The following RBFOX3 variants were observed in gnomAD, a reference collection of about 807,000 sequenced individuals.
RBFOX3 encodes the protein RNA binding fox-1 homolog 3.
In RBFOX3, 17 loss-of-function variants were observed where a neutral mutation model predicts 48.7. The ratio of observed to expected loss-of-function variants is 0.35; its 90% CI spans 0.24 to 0.52. RBFOX3 has a LOEUF of 0.52. Among genes scored for constraint, RBFOX3 ranks in the 20% least tolerant of loss-of-function variants. The pLI, the probability that RBFOX3 is intolerant of heterozygous loss-of-function variation, is 0.94. For synonymous variants in RBFOX3, 212 were observed against 209.5 expected (o/e 1.01, Z -0.10); for missense variants, 382 against 497.5 (o/e 0.77, Z 2.21).
At chr17:79,206,236 G>T (rs1004289795) in intron 4 of RBFOX3, among the ~76,000 whole-genome samples, 1 of 152,090 alleles carries the variant, frequency 6.6e-6, no homozygotes, top group Non-Finnish European at 1.5e-5. Flanking sequence ...ACAGAACTTG[G>T]TGGCCTCTTT....
At chr17:79,227,276 G>C (rs2060417503) in intron 4 of RBFOX3, among the ~76,000 whole-genome samples, 1 of 152,226 alleles carries the variant, frequency 6.6e-6, no homozygotes, top group Admixed American at 6.5e-5. Context: ...GCGAGCCAGA[G>C]AACATCCACA....
At chr17:79,518,554 A>T (rs2085587243) in intron 1 of RBFOX3, among the ~76,000 whole-genome samples, 1 of 152,224 alleles carries the variant, frequency 6.6e-6, no homozygotes, top group African/African-American at 2.4e-5. Flanking sequence ...TAATCCCTGA[A>T]GGCTGGGGGA....
intron 2 of RBFOX3, among the ~76,000 whole-genome samples, chr17:79,416,485 G>A (rs1014653494): frequency 1.3e-5 from 2 of 152,232 alleles, no homozygotes; most frequent in Non-Finnish European, 2.9e-5. Flanking sequence ...ACGCCCAATG[G>A]TTCCAGGATC....
the RBFOX3 span, among the ~76,000 whole-genome samples, chr17:79,634,124 A>T: frequency 6.6e-6 from 1 of 152,162 alleles, no homozygotes; most frequent in East Asian, 1.9e-4. Context: ...GGCAGCCTGG[A>T]GCCCTGGAGG....
At chr17:79,293,431 CCTT>C (rs2073762438) in intron 3 of RBFOX3, among the ~76,000 whole-genome samples, 3 of 53,256 alleles carry the variant, frequency 5.6e-5, no homozygotes, top group African/African-American at 2.5e-4. Flanking sequence ...TTCCTTCCTT[CCTT>C]CCTTCCTTCC....
intron 2 of RBFOX3, among the ~76,000 whole-genome samples, chr17:79,379,735 G>C (rs963854711): frequency 6.6e-6 from 1 of 152,166 alleles, no homozygotes; most frequent in Non-Finnish European, 1.5e-5. Flanking sequence ...CGCCCCCGAA[G>C]ATGGCTTCCC....
intron 1 of RBFOX3, among the ~76,000 whole-genome samples, chr17:79,547,429 T>G (rs1555792242): frequency 2.0e-5 from 3 of 152,150 alleles, no homozygotes; most frequent in African/African-American, 7.2e-5. Context: ...CACTCCAGCC[T>G]GGGTGACTGA....
chr17:79,509,636 C>T (rs1434800373), intron 1 of RBFOX3, among the ~76,000 whole-genome samples: 5 of 152,286 alleles, frequency 3.3e-5, no homozygotes, highest in South Asian at 2.1e-4. Flanking sequence ...GCAGGGTCGG[C>T]GCCTGGGAGA....
At chr17:79,095,365 C>T (rs2075000956) in intron 13 of RBFOX3, 148 bp downstream of exon 13, 1 of 645,308 alleles carries the variant, frequency 1.5e-6, no homozygotes. Context: ...AAGGGCCACA[C>T]TCAGACCTGC....
At chr17:79,417,315 T>G (rs2065536870) in intron 2 of RBFOX3, among the ~76,000 whole-genome samples, 1 of 152,162 alleles carries the variant, frequency 6.6e-6, no homozygotes, top group African/African-American at 2.4e-5. Context: ...GTGCCTCAGC[T>G]GAAGCTCTCA....
rs530924460 is a variant in RBFOX3 at position 79,471,053 on chromosome 17, AC to A, written c.-175+11400del. Among the ~76,000 whole-genome samples, 59 of 152,234 alleles carry A rather than the reference AC, an allele frequency of 3.9e-4. No homozygotes were observed. The South Asian group carries it at 0.012, about 32-fold the overall frequency. On this transcript the variant is annotated intron_variant, in intron 2 of 14. Transcript: ENST00000693108. This position sits in a 1 kb window ranked among gnomAD's most constrained non-coding sequence, Gnocchi z 4.0. ...CAGAACCAGCCCTTCCTTTCTATTC[AC>A]TGAAGGAGAAAAAACAGAATTAACT... is the stretch of plus-strand genomic sequence containing the variant.
chr17:79,171,267 C>T (rs968103957), intron 4 of RBFOX3, among the ~76,000 whole-genome samples: 3 of 152,248 alleles, frequency 2.0e-5, no homozygotes, highest in South Asian at 4.1e-4. Context: ...CATCTGCTTC[C>T]TTTTACTTTT....
At chr17:79,224,672 G>A (rs767872169) in intron 4 of RBFOX3, among the ~76,000 whole-genome samples, 21 of 152,178 alleles carry the variant, frequency 1.4e-4, no homozygotes, top group Non-Finnish European at 2.6e-4. Flanking sequence ...TGGAGTCATC[G>A]TCCCTCCAGC....
intron 1 of RBFOX3, among the ~76,000 whole-genome samples, chr17:79,508,099 C>T (rs2083442165): frequency 6.6e-6 from 1 of 152,232 alleles, no homozygotes; most frequent in Non-Finnish European, 1.5e-5. Context: ...ACATGGAAAA[C>T]ACCAGCAGAC....
chr17:79,620,486 TGCACACAC>T, the RBFOX3 span, among the ~76,000 whole-genome samples: 5 of 134,430 alleles, frequency 3.7e-5, no homozygotes, highest in African/African-American at 1.4e-4. Flanking sequence ...CACACGCACG[TGCACACAC>T]GCGCACACAC....
chr17:79,661,556 G>C, the RBFOX3 span, among the ~76,000 whole-genome samples: 1 of 152,142 alleles, frequency 6.6e-6, no homozygotes, highest in South Asian at 2.1e-4. Context: ...GTGCTGCTGT[G>C]GTCACACTCA....
chr17:79,389,158 G>A (rs1477774642), intron 2 of RBFOX3, among the ~76,000 whole-genome samples: 2 of 152,164 alleles, frequency 1.3e-5, no homozygotes, highest in South Asian at 2.1e-4. Flanking sequence ...TTGAAGTTTG[G>A]GGTCCCCTTC....
chr17:79,164,935 C>A (rs1178806098), intron 4 of RBFOX3, among the ~76,000 whole-genome samples: 1 of 152,228 alleles, frequency 6.6e-6, no homozygotes, highest in Non-Finnish European at 1.5e-5. Flanking sequence ...ACTCATCTTT[C>A]CACCCTTAGT....
chr17:79,350,237 G>A (rs185588942), intron 2 of RBFOX3, among the ~76,000 whole-genome samples: 2,373 of 152,148 alleles, frequency 0.016, 23 homozygotes, highest in Middle Eastern at 0.041. Context: ...CCGGCTCTGC[G>A]CCCCATCCCG....
Sources: gnomAD v4.1 joint callset for allele counts (sites outside exome capture counted in the v4.1 genomes callset) on GRCh38, gnomAD v4.1.1 for gene constraint, Gnocchi (gnomAD v3.1) non-coding constraint, MANE v1.5 for transcripts, NCBI Gene and HGNC (gene_info 2026-07-23, HGNC 2026-07-21) for gene names.